Variants in SLC22A4 observed in about 807,000 individuals in gnomAD.
The protein encoded by SLC22A4 is ET transporter.
Under a neutral mutation model 56.6 loss-of-function variants are expected in SLC22A4, and 39 were observed. The observed-to-expected ratio is 0.69, with a 90% CI of 0.53 to 0.90. The LOEUF (loss-of-function observed/expected upper bound fraction) is 0.90, where lower values mean the gene tolerates loss of function less well. Among genes scored for constraint, SLC22A4 ranks in the 40% least tolerant of loss-of-function variants. The probability of loss-of-function intolerance (pLI) is 0.00; values close to 1 mark genes in which losing one functional copy is unlikely to be tolerated. For missense variants in SLC22A4, 594 were observed against 696.5 expected (o/e 0.85, Z 1.66); for synonymous variants, 241 against 281.4 (o/e 0.86, Z 1.44).
intron 1 of SLC22A4, chr5:132,311,860 C>T (rs950510857): frequency 2.1e-6 from 1 of 480,020 alleles, no homozygotes; most frequent in Admixed American, 3.3e-5. Flanking sequence ...CAGTCACAGC[C>T]ATGGCCTTGG....
chr5:132,337,129 G>A (rs938086329), intron 8 of SLC22A4, among the ~76,000 whole-genome samples: 6 of 152,156 alleles, frequency 3.9e-5, no homozygotes, highest in South Asian at 2.1e-4. Context: ...ATTCATAGAA[G>A]TAAAATTCCT....
At chr5:132,341,554 T>G (rs1436278557) in intron 9 of SLC22A4, among the ~76,000 whole-genome samples, 2 of 152,190 alleles carry the variant, frequency 1.3e-5, no homozygotes, top group Admixed American at 1.3e-4. Flanking sequence ...AAATTCAGTA[T>G]GTAATAAAAA....
At position 132,312,051 on chromosome 5, in the gene SLC22A4, C is replaced by A. The variant is rs114403325; in HGVS notation, c.394-110C>A. The A allele has an allele frequency of 0.011, 8,894 of 789,538 alleles. 146 individuals are homozygous for A. Among genetic ancestry groups the A allele is most frequent in the African/African-American group, 0.063 (3,769 of 59,444 alleles). 48.9% of individuals were successfully genotyped at this position (789,538 alleles called of 1,614,324 possible). On this transcript the variant is annotated intron_variant, in intron 1 of 9. Coordinates refer to ENST00000200652, the MANE Select transcript of SLC22A4 (RefSeq NM_003059.3). ...TTTGTACAAAGGCAATATCCTGGCC[C>A]AGGGGAGGAGAGTCTGCCCGCCAGC...
intron 1 of SLC22A4, among the ~76,000 whole-genome samples, chr5:132,297,184 G>A (rs781062911): frequency 6.6e-5 from 10 of 152,096 alleles, no homozygotes; most frequent in South Asian, 2.1e-4. Context: ...TGGGAGTGGT[G>A]GTGCACCCCT....
At chr5:132,322,400 C>T (rs185443888) in intron 4 of SLC22A4, 45 bp downstream of exon 4, 1,123 of 1,583,520 alleles carry the variant, frequency 7.1e-4, no homozygotes, top group Non-Finnish European at 9.0e-4. Flanking sequence ...TGCGGGTCAG[C>T]ACACCTGGAA....
chr5:132,329,443 C>T (rs1432432608), intron 5 of SLC22A4, among the ~76,000 whole-genome samples: 27 of 151,364 alleles, frequency 1.8e-4, no homozygotes, highest in Admixed American at 1.8e-3. Context: ...CTACCAAATG[C>T]CAGGCACTGT....
rs3840351 is a variant in SLC22A4 at position 132,332,730 on chromosome 5, G to GCACACACACA, written c.1046+908_1046+917dup. Among the ~76,000 whole-genome samples the GCACACACACA allele has an allele frequency of 8.8e-3, 1,282 of 145,708 alleles. 20 individuals carry two copies. The highest frequency in any genetic ancestry group is 0.026 in the African/African-American group (1,019 of 39,572). On this transcript the variant is annotated intron_variant, in intron 6 of 9. Coordinates refer to ENST00000200652, the MANE Select transcript of SLC22A4 (RefSeq NM_003059.3). ...AGAAAATTCCTACTCTATGATGGCA[G>GCACACACACA]CACACACACACACACACACACACAC...
chr5:132,315,834 C>T (rs1352552813), intron 3 of SLC22A4, among the ~76,000 whole-genome samples: 2 of 152,172 alleles, frequency 1.3e-5, no homozygotes, highest in Non-Finnish European at 2.9e-5. Flanking sequence ...CAGGAAATTA[C>T]TGGCTTTTGT....
At chr5:132,329,414 T>C (rs1750790461) in intron 5 of SLC22A4, among the ~76,000 whole-genome samples, 1 of 151,628 alleles carries the variant, frequency 6.6e-6, no homozygotes, top group South Asian at 2.1e-4. Context: ...GCACCCTATT[T>C]AGAATGATAT....
chr5:132,329,071 G>T (rs1369194465), intron 5 of SLC22A4, among the ~76,000 whole-genome samples: 1 of 151,538 alleles, frequency 6.6e-6, no homozygotes, highest in Non-Finnish European at 1.5e-5. Flanking sequence ...CCCAAGCTGG[G>T]ACTACAGGCA....
In SLC22A4 at chr5:132,322,199, G is replaced by C; in HGVS notation, c.668G>C (p.Gly223Ala). 6.2e-7 allele frequency: 1 copy of C among 1,613,436 alleles called. No individual in the cohort carries two copies. The highest frequency in any genetic ancestry group is 8.5e-7 in the Non-Finnish European group (1 of 1,179,732). The change falls in exon 4 of 10, where the codon GGC (glycine) becomes GCC (alanine). Residue 223 changes from glycine to alanine, a missense_variant. By Grantham distance (60) the Gly-to-Ala change is moderately conservative. Transcript: ENST00000200652. ...VAFILGTEIL[G>A]KSVRIIFSTL... ...TTTTGAACAGGAACAGAAATTCTTG[G>C]CAAGTCAGTTCGTATTATATTCTCT... is the stretch of plus-strand genomic sequence containing the variant.
At position 132,313,630 on chromosome 5, in the gene SLC22A4, G is replaced by A. The variant is rs781510670; in HGVS notation, c.514G>A (p.Val172Ile). 13 of 1,614,226 alleles carry A rather than the reference G, an allele frequency of 8.1e-6. No individual in the cohort carries two copies. The highest frequency in any genetic ancestry group is 1.6e-4 in the Middle Eastern group (1 of 6,062). ...QLSDRFGRKN[V>I]LFATMAVQTG... The stretch of plus-strand genomic sequence containing the variant: ...ATTCTCTAGGTTTGGCAGGAAGAAC[G>A]TTCTCTTCGCAACCATGGCTGTACA... The change falls in exon 3 of 10, where the codon GTT becomes ATT. Residue 172 changes from valine to isoleucine, a missense_variant. Coordinates refer to ENST00000200652, the MANE Select transcript of SLC22A4 (RefSeq NM_003059.3).
At chr5:132,304,960 C>T (rs1303388646) in intron 1 of SLC22A4, among the ~76,000 whole-genome samples, 1 of 152,096 alleles carries the variant, frequency 6.6e-6, no homozygotes, top group Non-Finnish European at 1.5e-5. Flanking sequence ...TTTTTAAAAG[C>T]TGAGCCAGAC....
chr5:132,340,809 C>T, intron 9 of SLC22A4, 109 bp downstream of exon 9: 2 of 1,102,854 alleles, frequency 1.8e-6, no homozygotes, highest in Non-Finnish European at 1.4e-6. Context: ...GAGACTAGCT[C>T]TATCAGATAA....
At chr5:132,295,666 G>T in intron 1 of SLC22A4, 1 of 200,538 alleles carries the variant, frequency 5.0e-6, no homozygotes, top group Non-Finnish European at 1.0e-5. Flanking sequence ...ACCCTGCGTG[G>T]TTAGTGGCAG....
intron 8 of SLC22A4, 151 bp downstream of exon 8, chr5:132,336,151 A>T (rs187713317): frequency 1.3e-6 from 1 of 773,422 alleles, no homozygotes; most frequent in African/African-American, 1.7e-5. Flanking sequence ...CTAGAAAGCC[A>T]ATCACAAACT....
chr5:132,328,131 C>CT (rs1750733619), intron 5 of SLC22A4, among the ~76,000 whole-genome samples: 1 of 152,156 alleles, frequency 6.6e-6, no homozygotes, highest in Non-Finnish European at 1.5e-5. Context: ...AGTAGAGACA[C>CT]TGTGTGCCAG....
chr5:132,314,660 C>T (rs1326536515), intron 3 of SLC22A4, among the ~76,000 whole-genome samples: 1 of 152,224 alleles, frequency 6.6e-6, no homozygotes, highest in Non-Finnish European at 1.5e-5. Context: ...AACGATTCTT[C>T]TTGCCTCAAA....
At chr5:132,330,987 T>C (rs1302640508) in intron 5 of SLC22A4, among the ~76,000 whole-genome samples, 1 of 152,148 alleles carries the variant, frequency 6.6e-6, no homozygotes, top group Non-Finnish European at 1.5e-5. Flanking sequence ...TCAGAGAGGA[T>C]CGTTACTTGC....
Sources: gnomAD v4.1 joint callset for allele counts (sites outside exome capture counted in the v4.1 genomes callset) on GRCh38, gnomAD v4.1.1 for gene constraint, MANE v1.5 for transcripts, NCBI Gene and HGNC (gene_info 2026-07-23, HGNC 2026-07-21) for gene names.